Variants in SCFD2 observed in about 807,000 individuals in gnomAD.
The protein encoded by SCFD2 is sec1 family domain-containing protein 2.
Under a neutral mutation model 58.9 loss-of-function variants are expected in SCFD2, and 54 were observed. The observed-to-expected ratio is 0.92, with a 90% CI of 0.74 to 1.15. The LOEUF (loss-of-function observed/expected upper bound fraction) is 1.15. Among genes scored for constraint, SCFD2 ranks in the 50% most tolerant of loss-of-function variants. SCFD2 has a pLI of 0.00. For missense variants in SCFD2, 805 were observed against 836.6 expected, an observed-to-expected ratio of 0.96 and a Z score of 0.47; for synonymous variants, 321 against 335.9, an observed-to-expected ratio of 0.96 and a Z score of 0.49.
intron 5 of SCFD2, among the ~76,000 whole-genome samples, chr4:53,135,114 T>C (rs1337721228): frequency 3.3e-5 from 5 of 152,132 alleles, no homozygotes; most frequent in African/African-American, 4.8e-5. Flanking sequence ...AAGGAGATCA[T>C]TGGGTACTTT....
chr4:53,258,453 T>G (rs1658020435), intron 4 of SCFD2, among the ~76,000 whole-genome samples: 1 of 151,130 alleles, frequency 6.6e-6, no homozygotes, highest in Non-Finnish European at 1.5e-5. Flanking sequence ...TCACTTAGAA[T>G]CATCATCTCC....
At chr4:53,351,106 G>A (rs1338109639) in intron 2 of SCFD2, among the ~76,000 whole-genome samples, 1 of 152,104 alleles carries the variant, frequency 6.6e-6, no homozygotes, top group East Asian at 1.9e-4. Flanking sequence ...ATAAAATAGG[G>A]GAATAACAAC....
chr4:53,057,416 C>T (rs970003182), intron 5 of SCFD2, among the ~76,000 whole-genome samples: 51 of 152,068 alleles, frequency 3.4e-4, no homozygotes, highest in Admixed American at 2.6e-4. Flanking sequence ...AGGGATAAAG[C>T]TGGAAGCCAT....
intron 5 of SCFD2, among the ~76,000 whole-genome samples, chr4:53,090,539 C>T (rs978931342): frequency 1.3e-5 from 2 of 152,058 alleles, no homozygotes; most frequent in African/African-American, 4.8e-5. Flanking sequence ...ATCATAAGAT[C>T]CAGATAGGAA....
At chr4:53,040,052 A>G (rs542902150) in intron 5 of SCFD2, among the ~76,000 whole-genome samples, 6 of 152,190 alleles carry the variant, frequency 3.9e-5, no homozygotes, top group Non-Finnish European at 8.8e-5. Context: ...GCTTCATGCT[A>G]TTAACAAATC....
intron 4 of SCFD2, among the ~76,000 whole-genome samples, chr4:53,227,312 T>C (rs973807446): frequency 3.7e-4 from 57 of 152,220 alleles, no homozygotes; most frequent in African/African-American, 1.3e-3. Context: ...AGGAAAAAAA[T>C]GGCAATTTCC....
chr4:52,894,538 T>C (rs1718954277), intron 7 of SCFD2, among the ~76,000 whole-genome samples: 1 of 152,234 alleles, frequency 6.6e-6, no homozygotes. Flanking sequence ...CTTGATTTAT[T>C]TGTTAGATCA....
intron 4 of SCFD2, among the ~76,000 whole-genome samples, chr4:53,208,757 T>C (rs779841906): frequency 7.9e-5 from 12 of 152,192 alleles, no homozygotes; most frequent in Non-Finnish European, 1.3e-4. Context: ...AAGTTAAATA[T>C]CTTGTTAAAA....
intron 5 of SCFD2, among the ~76,000 whole-genome samples, chr4:53,049,527 AG>A (rs1253140726): frequency 6.6e-6 from 1 of 152,182 alleles, no homozygotes; most frequent in Non-Finnish European, 1.5e-5. Context: ...TAGCCGAAGT[AG>A]GATTCAAACC....
At chr4:53,148,078 C>A (rs1404058132) in intron 4 of SCFD2, among the ~76,000 whole-genome samples, 1 of 152,200 alleles carries the variant, frequency 6.6e-6, no homozygotes, top group African/African-American at 2.4e-5. Context: ...TCTTTCATTG[C>A]TTTATGTCCC....
At chr4:53,089,853 T>C (rs772801872) in intron 5 of SCFD2, among the ~76,000 whole-genome samples, 1 of 152,212 alleles carries the variant, frequency 6.6e-6, no homozygotes, top group Non-Finnish European at 1.5e-5. Flanking sequence ...CAGAACATGT[T>C]TGCTTGCCAT....
intron 7 of SCFD2, among the ~76,000 whole-genome samples, chr4:52,891,974 T>C (rs1718888482): frequency 6.6e-6 from 1 of 152,136 alleles, no homozygotes; most frequent in African/African-American, 2.4e-5. Flanking sequence ...CTCCCAAACA[T>C]CCTCCCTTGG....
chr4:53,331,863 GAA>G (rs1281664275), intron 2 of SCFD2, among the ~76,000 whole-genome samples: 1 of 150,332 alleles, frequency 6.7e-6, no homozygotes, highest in Non-Finnish European at 1.5e-5. Context: ...GACTAATAAA[GAA>G]AAAAAGAGAG....
At chr4:52,979,659 A>C (rs1277272744) in intron 5 of SCFD2, among the ~76,000 whole-genome samples, 3 of 152,156 alleles carry the variant, frequency 2.0e-5, no homozygotes, top group Admixed American at 6.5e-5. Context: ...TAACTCAGTA[A>C]ATCCCAATTA....
rs193201773 is a variant in SCFD2 at position 52,882,848 on chromosome 4, C to G, written c.1962+2899G>C. On this transcript the variant is annotated intron_variant, in intron 8 of 8. Coordinates refer to ENST00000401642, the MANE Select transcript of SCFD2 (RefSeq NM_152540.4). The stretch of plus-strand genomic sequence containing the variant: ...TATTAGTTTTGTCCCTCTAGAGAAC[C>G]CTGACTAATACACCCTCCAAGCCTC... 2.8e-4 allele frequency among the ~76,000 whole-genome samples: 42 copies of G among 152,216 alleles called. 1 individual carries two copies. Among genetic ancestry groups the G allele is most frequent in the South Asian group, 2.3e-3 (11 of 4,816 alleles).
chr4:52,973,730 GA>G (rs1342625367), intron 5 of SCFD2, among the ~76,000 whole-genome samples: 3 of 152,162 alleles, frequency 2.0e-5, no homozygotes, highest in Non-Finnish European at 4.4e-5. Flanking sequence ...GAGAATTTTA[GA>G]CCAATATCCC....
chr4:53,334,470 A>G (rs924833217), intron 2 of SCFD2, among the ~76,000 whole-genome samples: 3 of 151,400 alleles, frequency 2.0e-5, no homozygotes, highest in African/African-American at 7.3e-5. Flanking sequence ...ATGAAATTGG[A>G]AATCATCATT....
intron 3 of SCFD2, among the ~76,000 whole-genome samples, chr4:53,286,712 C>T (rs1159580700): frequency 6.6e-6 from 1 of 152,180 alleles, no homozygotes; most frequent in African/African-American, 2.4e-5. Flanking sequence ...CACCCTGACT[C>T]CCTGGATGCA....
At chr4:53,091,085 G>A (rs937809155) in intron 5 of SCFD2, among the ~76,000 whole-genome samples, 19 of 151,980 alleles carry the variant, frequency 1.3e-4, no homozygotes, top group African/African-American at 4.3e-4. Flanking sequence ...TTATGCAAAT[G>A]GGTGTTATAC....
Sources: gnomAD v4.1 joint callset for allele counts (sites outside exome capture counted in the v4.1 genomes callset) on GRCh38, gnomAD v4.1.1 for gene constraint, MANE v1.5 for transcripts, NCBI Gene and HGNC (gene_info 2026-07-23, HGNC 2026-07-21) for gene names.